Variants in LSAMP observed in about 807,000 individuals in gnomAD.
LSAMP encodes limbic system associated membrane protein.
In LSAMP, 7 loss-of-function variants were observed where a neutral mutation model predicts 38.6. The ratio of observed to expected loss-of-function variants is 0.18; its 90% CI spans 0.10 to 0.34. The LOEUF (loss-of-function observed/expected upper bound fraction) is 0.34. Among genes scored for constraint, LSAMP ranks in the 10% least tolerant of loss-of-function variants. The pLI is 1.00. For synonymous variants in LSAMP, 154 were observed against 166.8 expected (o/e 0.92, Z 0.59); for missense variants, 313 against 420.0 (o/e 0.75, Z 2.23).
chr3:115,998,886 G>T (rs1939905124), intron 3 of LSAMP, among the ~76,000 whole-genome samples: 1 of 152,014 alleles, frequency 6.6e-6, no homozygotes, highest in Admixed American at 6.6e-5. Context: ...AGAGAGCCAG[G>T]AATTATAAGT....
chr3:115,935,149 T>G (rs950316972), intron 3 of LSAMP, among the ~76,000 whole-genome samples: 54 of 149,308 alleles, frequency 3.6e-4, no homozygotes, highest in Admixed American at 3.5e-3. Flanking sequence ...AACAAGAAAA[T>G]GAAAGAAAAA....
At chr3:116,323,029 G>A (rs1427511662) in intron 1 of LSAMP, among the ~76,000 whole-genome samples, 1 of 152,092 alleles carries the variant, frequency 6.6e-6, no homozygotes, top group Non-Finnish European at 1.5e-5. Context: ...TACTGTACAG[G>A]TTAAAATCTG....
intron 1 of LSAMP, among the ~76,000 whole-genome samples, chr3:116,396,185 A>T (rs917584379): frequency 2.0e-5 from 3 of 152,214 alleles, no homozygotes; most frequent in Non-Finnish European, 4.4e-5. Flanking sequence ...TCTGTTATTC[A>T]CTAACAAAAA....
Position 115,853,237 on chromosome 3 carries a change from G to A in LSAMP, c.515-620C>T, listed in dbSNP as rs561489953. Among the ~76,000 whole-genome samples the A allele has an allele frequency of 2.0e-5, 3 of 152,304 alleles. No individual in the cohort carries two copies. The South Asian group carries it at 6.2e-4, about 32-fold the overall frequency. On this transcript the variant is annotated intron_variant, in intron 3 of 6. Coordinates refer to ENST00000490035, the MANE Select transcript of LSAMP (RefSeq NM_002338.5). ...TCTTCTTCAGATTCTGTTAAATTCTGTTCACAAGGATTGTATGCTAAACTG... is the reference window on the plus strand; with the variant it reads ...TCTTCTTCAGATTCTGTTAAATTCTATTCACAAGGATTGTATGCTAAACTG...
intron 3 of LSAMP, among the ~76,000 whole-genome samples, chr3:115,920,600 T>G (rs1262565052): frequency 6.6e-6 from 1 of 152,194 alleles, no homozygotes; most frequent in East Asian, 1.9e-4. Flanking sequence ...AAGGCTTGTT[T>G]GTGACATATT....
chr3:116,078,450 G>C (rs1052636529), intron 2 of LSAMP, among the ~76,000 whole-genome samples: 2 of 151,866 alleles, frequency 1.3e-5, no homozygotes, highest in Middle Eastern at 3.4e-3. Flanking sequence ...TCAGCCTCCC[G>C]AGTAGCTGGG....
chr3:116,231,168 C>T (rs548614681), intron 1 of LSAMP, among the ~76,000 whole-genome samples: 3 of 152,118 alleles, frequency 2.0e-5, no homozygotes, highest in South Asian at 2.1e-4. Flanking sequence ...TAATGGGCTG[C>T]GAAATTGGCT....
chr3:115,941,100 C>T (rs926414846), intron 3 of LSAMP, among the ~76,000 whole-genome samples: 11 of 152,082 alleles, frequency 7.2e-5, no homozygotes, highest in Admixed American at 7.2e-4. Flanking sequence ...ACTCAAATGA[C>T]CCAATTAAGA....
At chr3:116,420,261 C>T (rs2049104021) in intron 1 of LSAMP, among the ~76,000 whole-genome samples, 1 of 151,894 alleles carries the variant, frequency 6.6e-6, no homozygotes, top group African/African-American at 2.4e-5. Flanking sequence ...CCACGCCTGG[C>T]TAATTTTTGA....
intron 3 of LSAMP, among the ~76,000 whole-genome samples, chr3:115,890,940 T>C (rs1041227838): frequency 2.6e-5 from 4 of 151,868 alleles, no homozygotes; most frequent in Admixed American, 1.3e-4. Flanking sequence ...CCTGTAAAAA[T>C]ACCGACATTT....
intron 1 of LSAMP, among the ~76,000 whole-genome samples, chr3:116,284,306 A>G (rs1048520708): frequency 6.6e-6 from 1 of 152,208 alleles, no homozygotes; most frequent in African/African-American, 2.4e-5. Flanking sequence ...ATGCCAAAAA[A>G]TAATGTTTTT....
intron 1 of LSAMP, among the ~76,000 whole-genome samples, chr3:116,121,885 ATTTT>A (rs57411929): frequency 2.3e-4 from 32 of 136,798 alleles, no homozygotes; most frequent in African/African-American, 8.1e-4. Flanking sequence ...TTTTTTTGTG[ATTTT>A]TTTTTTTTTT....
At chr3:116,128,708 A>G (rs911757238) in intron 1 of LSAMP, among the ~76,000 whole-genome samples, 1 of 150,456 alleles carries the variant, frequency 6.6e-6, no homozygotes, top group African/African-American at 2.5e-5. Context: ...CATCATTACA[A>G]TTGCATGAAT....
At chr3:116,176,163 T>C (rs1322606162) in intron 1 of LSAMP, among the ~76,000 whole-genome samples, 2 of 152,104 alleles carry the variant, frequency 1.3e-5, no homozygotes, top group African/African-American at 2.4e-5. Flanking sequence ...TGCAGAAATA[T>C]AACTGGCAAT....
chr3:116,328,930 A>C (rs2047812557), intron 1 of LSAMP, among the ~76,000 whole-genome samples: 1 of 152,156 alleles, frequency 6.6e-6, no homozygotes, highest in African/African-American at 2.4e-5. Flanking sequence ...TGTGGAAATA[A>C]AAGCAAATGA....
At chr3:115,982,505 T>G (rs544365620) in intron 3 of LSAMP, among the ~76,000 whole-genome samples, 5 of 152,210 alleles carry the variant, frequency 3.3e-5, no homozygotes, top group Non-Finnish European at 7.3e-5. Flanking sequence ...AAGATTCTTC[T>G]GGTACAGAAT....
chr3:116,214,528 G>T lies in LSAMP; in HGVS notation c.156-127972C>A, dbSNP rs2199350. Among the ~76,000 whole-genome samples the T allele has an allele frequency of 6.0e-4, 83 of 139,164 alleles. No individual in the cohort carries two copies. The East Asian group carries it at 8.5e-3, about 14-fold the overall frequency. 91.3% of individuals were successfully genotyped at this position (139,164 alleles called of 152,430 possible). ...TTTTTTTTTTTTTTTTTTTGAGACA[G>T]AGTCTCACTCTGTCACCCAGGCTGG... On this transcript the variant is annotated intron_variant, in intron 1 of 6. Transcript: ENST00000490035.
chr3:116,284,761 G>T (rs1286853327), intron 1 of LSAMP, among the ~76,000 whole-genome samples: 1 of 152,146 alleles, frequency 6.6e-6, no homozygotes, highest in African/African-American at 2.4e-5. Flanking sequence ...CACAAAGGAT[G>T]GTTTCCAAAC....
intron 3 of LSAMP, among the ~76,000 whole-genome samples, chr3:115,928,382 C>A (rs1028100337): frequency 6.6e-6 from 1 of 152,140 alleles, no homozygotes; most frequent in African/African-American, 2.4e-5. Flanking sequence ...GAAGACAGTG[C>A]CTAGTAGTTC....
Sources: allele counts gnomAD v4.1 joint callset (sites outside exome capture counted in the v4.1 genomes callset), GRCh38; gene constraint gnomAD v4.1.1; transcripts MANE v1.5; gene names NCBI Gene and HGNC (gene_info 2026-07-23, HGNC 2026-07-21).